Variants in ARFGEF2 observed in about 807,000 individuals in gnomAD.
The protein encoded by ARFGEF2 is ARF guanine nucleotide exchange factor 2.
A neutral mutation model predicts 219.9 loss-of-function variants in ARFGEF2; 74 were observed. The observed-to-expected ratio is 0.34, with a 90% CI of 0.28 to 0.41. The LOEUF (loss-of-function observed/expected upper bound fraction) is 0.41, where lower values mean the gene tolerates loss of function less well. Among genes scored for constraint, ARFGEF2 ranks in the 10% least tolerant of loss-of-function variants. The probability of loss-of-function intolerance (pLI) is 1.00; values close to 1 mark genes in which losing one functional copy is unlikely to be tolerated. For missense variants in ARFGEF2, 1,743 were observed against 2,218.3 expected (o/e 0.79, Z 4.30); for synonymous variants, 733 against 799.2 (o/e 0.92, Z 1.40).
chr20:48,981,702 ACTTCT>A (rs2091296979), intron 14 of ARFGEF2, among the ~76,000 whole-genome samples: 3 of 151,686 alleles, frequency 2.0e-5, no homozygotes, highest in East Asian at 1.9e-4. Context: ...TTTTCTGTAA[ACTTCT>A]CTTCTCACTT....
chr20:48,978,736 T>C (rs1465736654), intron 14 of ARFGEF2, among the ~76,000 whole-genome samples: 1 of 152,208 alleles, frequency 6.6e-6, no homozygotes, highest in Non-Finnish European at 1.5e-5. Flanking sequence ...TTTGTAGCAA[T>C]TGTGAATGGG....
At chr20:48,966,274 T>C (rs2091186392) in intron 8 of ARFGEF2, among the ~76,000 whole-genome samples, 2 of 152,194 alleles carry the variant, frequency 1.3e-5, no homozygotes, top group African/African-American at 4.8e-5. Flanking sequence ...TCTTGCCACT[T>C]TTCTTCTCTC....
rs536420455 is a variant in ARFGEF2, at chr20:49,011,342, T to C, written c.3758-582T>C. Among the ~76,000 whole-genome samples the C allele has an allele frequency of 2.2e-4, 34 of 152,322 alleles. No individual in the cohort carries two copies. In the East Asian group the frequency reaches 6.6e-3, roughly 29 times the overall value. ...CATGGTTCAGTATTCTTGAATTCAG[T>C]GTTTATGGCAACTTTATAGAATGTA... On this transcript the variant is annotated intron_variant, in intron 27 of 38. Transcript: ENST00000371917.
At chr20:48,948,751 T>C (rs926854264) in intron 3 of ARFGEF2, among the ~76,000 whole-genome samples, 1 of 152,200 alleles carries the variant, frequency 6.6e-6, no homozygotes, top group Non-Finnish European at 1.5e-5. Flanking sequence ...CATGGCAGAA[T>C]GTCCCTGTGC....
In ARFGEF2 at chr20:49,033,146, T is replaced by G. The variant is rs776030422; in HGVS notation, c.5305T>G (p.Trp1769Gly). The G allele has an allele frequency of 6.2e-6, 10 of 1,614,094 alleles. No homozygotes were observed. Among genetic ancestry groups the G allele is most frequent in the Admixed American group, 1.7e-5 (1 of 60,004 alleles). Residue 1769 changes from tryptophan to glycine, a missense_variant, in exon 39 of 39, where the codon TGG becomes GGG. Trp to Gly is a radical substitution (Grantham distance 184). This residue lies in a region of ARFGEF2 where 578 missense variants were observed against 664.0 expected (regional missense o/e 0.87). Transcript: ENST00000371917. Reference sequence around the variant, plus strand: ...ACGGATAGGTGTTGTGTATAAGATATGGATACCAGAAGAGCCATCACAGGT... The same window carrying G: ...ACGGATAGGTGTTGTGTATAAGATAGGGATACCAGAAGAGCCATCACAGGT... Reference protein sequence around the residue: ...FLRIGVVYKIWIPEEPSQVPA... With the variant: ...FLRIGVVYKIGIPEEPSQVPA...
chr20:49,003,566 T>C (rs1487069820), intron 25 of ARFGEF2, among the ~76,000 whole-genome samples: 6 of 151,532 alleles, frequency 4.0e-5, no homozygotes, highest in South Asian at 2.1e-4. Flanking sequence ...GACCACACCA[T>C]TGCACTCCAG....
rs1246154844 is a variant in ARFGEF2, at chr20:49,007,820, A to G, written c.3585-2412A>G. Among the ~76,000 whole-genome samples, 5 of 152,116 alleles carry G rather than the reference A, an allele frequency of 3.3e-5. No homozygotes were observed. The East Asian group carries it at 7.7e-4, about 24-fold the overall frequency. ...AGCAAATACACAAAAGTATTTTCCT[A>G]CCTTTAGGAACACCATTGAGAGTGC... On this transcript the variant is annotated intron_variant, in intron 26 of 38. Transcript: ENST00000371917.
At chr20:49,012,674 T>C (rs115860115) in intron 28 of ARFGEF2, among the ~76,000 whole-genome samples, 317 of 152,200 alleles carry the variant, frequency 2.1e-3, no homozygotes, top group African/African-American at 7.4e-3. Context: ...ACCTGTAAGG[T>C]GATATGTCTC....
In ARFGEF2 at chr20:48,993,718, G is replaced by A. The variant is rs1285105792; in HGVS notation, c.2974-733G>A. Among the ~76,000 whole-genome samples the A allele has an allele frequency of 4.6e-5, 7 of 152,150 alleles. No homozygotes were observed. The South Asian group carries it at 8.3e-4, about 18-fold the overall frequency. Reference sequence around the variant, plus strand: ...AGCTGAGCTTCAGGTAGGAGGGCCCGTGTGCAGATCTGCATTCTCAAGCAC... The same window carrying A: ...AGCTGAGCTTCAGGTAGGAGGGCCCATGTGCAGATCTGCATTCTCAAGCAC... On this transcript the variant is annotated intron_variant, in intron 21 of 38. Transcript: ENST00000371917.
chr20:49,024,610 A>G (rs1233489221), intron 35 of ARFGEF2, among the ~76,000 whole-genome samples: 1 of 152,240 alleles, frequency 6.6e-6, no homozygotes, highest in Non-Finnish European at 1.5e-5. Flanking sequence ...TACTGCTGGA[A>G]AAAATACAGC....
At chr20:48,957,959 A>G (rs2091115377) in intron 6 of ARFGEF2, among the ~76,000 whole-genome samples, 2 of 152,158 alleles carry the variant, frequency 1.3e-5, no homozygotes, top group Admixed American at 1.3e-4. Context: ...AAATGGAAAA[A>G]CTGCAGTGAG....
At chr20:48,993,867 C>T (rs1968556890) in intron 21 of ARFGEF2, among the ~76,000 whole-genome samples, 2 of 152,184 alleles carry the variant, frequency 1.3e-5, no homozygotes, top group Non-Finnish European at 2.9e-5. Context: ...GTGCCAGGGA[C>T]TTAAGTGTTC....
intron 1 of ARFGEF2, among the ~76,000 whole-genome samples, chr20:48,930,264 T>C (rs2090904725): frequency 6.6e-6 from 1 of 152,212 alleles, no homozygotes. Context: ...AGTCCATTCA[T>C]GAGGGCAGAG....
chr20:48,971,495 C>A, intron 10 of ARFGEF2, 141 bp downstream of exon 10: 1 of 823,714 alleles, frequency 1.2e-6, no homozygotes, highest in Non-Finnish European at 1.9e-6. Flanking sequence ...ATCTTACCAT[C>A]CTGGAACTCA....
intron 23 of ARFGEF2, among the ~76,000 whole-genome samples, chr20:48,997,422 A>G (rs998900636): frequency 2.0e-5 from 3 of 152,000 alleles, no homozygotes; most frequent in African/African-American, 7.2e-5. Flanking sequence ...ACAGGCATGC[A>G]CCACCATGCC....
chr20:48,953,461 C>A, intron 5 of ARFGEF2, 95 bp from the exon 6 acceptor site: 1 of 1,175,498 alleles, frequency 8.5e-7, no homozygotes, highest in Non-Finnish European at 1.3e-6. Context: ...TAGGCGTTAA[C>A]CACCGCGCCC....
At chr20:48,928,461 G>GT (rs1263394896) in intron 1 of ARFGEF2, among the ~76,000 whole-genome samples, 2 of 145,256 alleles carry the variant, frequency 1.4e-5, no homozygotes, top group Admixed American at 1.4e-4. Context: ...GCCTCCCAAA[G>GT]TGCTGGGATT....
chr20:48,952,197 C>T (rs6019550), intron 4 of ARFGEF2, among the ~76,000 whole-genome samples: 2 of 117,500 alleles, frequency 1.7e-5, no homozygotes, highest in Non-Finnish European at 3.2e-5. Flanking sequence ...GCTCTGTCGC[C>T]TAGGCTGGAG....
At chr20:48,997,569 G>C (rs1224829947) in intron 23 of ARFGEF2, among the ~76,000 whole-genome samples, 1 of 152,120 alleles carries the variant, frequency 6.6e-6, no homozygotes, top group Non-Finnish European at 1.5e-5. Flanking sequence ...CACTGCGCCT[G>C]GGCTCCCCCG....
Sources: gnomAD v4.1 joint callset for allele counts (sites outside exome capture counted in the v4.1 genomes callset) on GRCh38, gnomAD v4.1.1 for gene constraint, gnomAD v4.1.1 regional missense constraint, MANE v1.5 for transcripts, NCBI Gene and HGNC (gene_info 2026-07-23, HGNC 2026-07-21) for gene names.